SFMBT2: variants seen among roughly 807,000 people sequenced by gnomAD.
The protein encoded by SFMBT2 is scm-like with four MBT domains protein 2.
SFMBT2 carries 38 observed loss-of-function variants against 110.1 expected under a neutral mutation model. The observed-to-expected ratio is 0.35, with a 90% CI of 0.27 to 0.45. The LOEUF is 0.45. Ranked by LOEUF, SFMBT2 falls within the 20% of genes least tolerant of loss-of-function variation. SFMBT2 has a pLI of 1.00. For missense variants in SFMBT2, 1,011 were observed against 1,094.9 expected, an observed-to-expected ratio of 0.92 and a Z score of 1.08; for synonymous variants, 425 against 425.4, an observed-to-expected ratio of 1.00 and a Z score of 0.01.
At chr10:7,329,541 T>C in intron 4 of SFMBT2, 1 of 985,322 alleles carries the variant, frequency 1.0e-6, no homozygotes, top group Non-Finnish European at 1.2e-6. Context: ...GTACCTCTGC[T>C]GGGTCACAAA....
At position 7,163,839 on chromosome 10, in the gene SFMBT2, C is replaced by T; in HGVS notation, c.2616G>A (p.Gly872=). ...TVQECMELKL[G]PAIKLCHQIE... ...TCTGGTGGCATAACTTGATGGCAGGCCCCAGCTTCAGCTCCATGCACTCCT... is the reference window on the plus strand; with the variant it reads ...TCTGGTGGCATAACTTGATGGCAGGTCCCAGCTTCAGCTCCATGCACTCCT... The change falls in exon 21 of 21, where the codon GGG becomes GGA. Residue 872 remains glycine (G), a synonymous_variant. Transcript: ENST00000397167. The surrounding 1 kb of genome is among the most constrained non-coding windows in gnomAD (Gnocchi z 4.8). 1.2e-6 allele frequency: 2 copies of T among 1,614,210 alleles called. No homozygotes were observed. The highest frequency in any genetic ancestry group is 1.1e-5 in the South Asian group (1 of 91,084).
intron 7 of SFMBT2, among the ~76,000 whole-genome samples, chr10:7,256,231 C>T (rs181084143): frequency 8.5e-5 from 13 of 152,288 alleles, no homozygotes; most frequent in African/African-American, 3.1e-4. Flanking sequence ...ACCCTCTAGC[C>T]ACCAGGTTAT....
Position 7,252,866 on chromosome 10 carries a change from A to C in SFMBT2, c.871-4217T>G, listed in dbSNP as rs573037969. The stretch of plus-strand genomic sequence containing the variant: ...ATGGGTCCATTCTTGATGGGACCCT[A>C]AACAGCTTCAGGGTGGGGGCTCGTG... On this transcript the variant is annotated intron_variant, in intron 7 of 20. Coordinates refer to ENST00000397167, the MANE Select transcript of SFMBT2 (RefSeq NM_001387889.1). Among the ~76,000 whole-genome samples, 4 of 152,156 alleles carry C rather than the reference A, an allele frequency of 2.6e-5. No individual in the cohort carries two copies. The South Asian group carries it at 8.3e-4, about 32-fold the overall frequency.
intron 1 of SFMBT2, among the ~76,000 whole-genome samples, chr10:7,406,401 C>T (rs116559903): frequency 0.01 from 1,507 of 150,698 alleles, 22 homozygotes; most frequent in African/African-American, 0.034. Context: ...TCTTACTGCT[C>T]AAAGCAATGC....
At chr10:7,189,140 C>T (rs932630236) in intron 15 of SFMBT2, 16 of 984,566 alleles carry the variant, frequency 1.6e-5, no homozygotes, top group Non-Finnish European at 1.8e-5. Flanking sequence ...ACTAATGAAA[C>T]GGAGACAATC....
chr10:7,306,741 G>T (rs34445863), intron 4 of SFMBT2, among the ~76,000 whole-genome samples: 2 of 150,406 alleles, frequency 1.3e-5, no homozygotes, highest in Non-Finnish European at 3.0e-5. Flanking sequence ...GAAAAGGGGG[G>T]AAAAAAAAGA....
At position 7,286,329 on chromosome 10, in the gene SFMBT2, C is replaced by A. The variant is rs576505157; in HGVS notation, c.437-375G>T. 27 of 857,044 alleles carry A rather than the reference C, an allele frequency of 3.2e-5. No homozygotes were observed. The Admixed American group carries it at 8.7e-4, about 28-fold the overall frequency. 53.1% of individuals were successfully genotyped at this position (857,044 alleles called of 1,614,324 possible). ...AGAAAGGCTTTCCAGGTGGGAAAAT[C>A]AAACCAGGCCCCGAATTACATGAAC... On this transcript the variant is annotated intron_variant, in intron 4 of 20. Transcript: ENST00000397167.
chr10:7,332,590 T>A (rs1843594616), intron 4 of SFMBT2, among the ~76,000 whole-genome samples: 1 of 152,196 alleles, frequency 6.6e-6, no homozygotes, highest in African/African-American at 2.4e-5. Flanking sequence ...ACCCAGCTTA[T>A]AAAAATGCTT....
intron 14 of SFMBT2, chr10:7,197,928 C>G (rs916428326): frequency 1.0e-6 from 1 of 964,144 alleles, no homozygotes; most frequent in East Asian, 1.1e-4. Context: ...CAAATCGTGA[C>G]AAAGCAGCAG....
intron 4 of SFMBT2, among the ~76,000 whole-genome samples, chr10:7,316,164 T>C (rs1440960318): frequency 6.6e-6 from 1 of 152,078 alleles, no homozygotes. Context: ...TTCTAATTAG[T>C]GAATGGGTTG....
intron 16 of SFMBT2, among the ~76,000 whole-genome samples, chr10:7,184,429 T>G (rs1252216003): frequency 6.6e-6 from 1 of 152,166 alleles, no homozygotes; most frequent in Non-Finnish European, 1.5e-5. Context: ...GCCTTTCACC[T>G]TCCGCTGTGA....
chr10:7,207,625 T>C lies in SFMBT2; in HGVS notation c.1331-1697A>G, dbSNP rs1381189659. The C allele has an allele frequency of 5.1e-6, 5 of 984,012 alleles. No homozygotes were observed. In the African/African-American group the frequency reaches 7.0e-5, roughly 14 times the overall value. 61.0% of individuals were successfully genotyped at this position (984,012 alleles called of 1,614,324 possible). A position where few individuals can be genotyped will look rare whatever the true frequency, so the allele number is the denominator to read the frequency against. ...AAGTCATCTCATAACATCTGAAGAA[T>C]TCTGAATCACATCCTCCCTCCCCAC... On this transcript the variant is annotated intron_variant, in intron 11 of 20. Coordinates refer to ENST00000397167, the MANE Select transcript of SFMBT2 (RefSeq NM_001387889.1).
intron 16 of SFMBT2, among the ~76,000 whole-genome samples, chr10:7,176,892 C>T (rs554970875): frequency 2.0e-5 from 3 of 152,054 alleles, no homozygotes; most frequent in South Asian, 2.1e-4. Flanking sequence ...AAGGGGTCTC[C>T]GGTGGATGAG....
At chr10:7,267,572 T>A (rs188651917) in intron 7 of SFMBT2, among the ~76,000 whole-genome samples, 1 of 152,108 alleles carries the variant, frequency 6.6e-6, no homozygotes, top group African/African-American at 2.4e-5. Context: ...AATTTTTGCA[T>A]TTTTAGTAGA....
chr10:7,269,727 T>C (rs995290082), intron 7 of SFMBT2, among the ~76,000 whole-genome samples: 2 of 103,808 alleles, frequency 1.9e-5, no homozygotes, highest in African/African-American at 5.8e-5. Flanking sequence ...TGTGTGTGTG[T>C]GTGTGTGTGT....
At position 7,158,796 on chromosome 10, in the gene SFMBT2, C is replaced by T. The variant is rs1419949917; in HGVS notation, c.*4974G>A. 1.3e-5 allele frequency: 2 copies of T among 152,112 alleles called. No individual in the cohort carries two copies. The highest frequency in any genetic ancestry group is 2.9e-5 in the Non-Finnish European group (2 of 68,016). The allele number at this position is 152,112 out of a possible 1,614,324, so 9.4% of individuals were successfully genotyped here. On this transcript the variant is annotated 3_prime_UTR_variant, in exon 21 of 21. Coordinates refer to ENST00000397167, the MANE Select transcript of SFMBT2 (RefSeq NM_001387889.1). Reference sequence around the variant, plus strand: ...TACAGCAAACCAAAAGCATGCCCTTCGTCCTGCAAATTTCAAAAGTAATGA... The same window carrying T: ...TACAGCAAACCAAAAGCATGCCCTTTGTCCTGCAAATTTCAAAAGTAATGA...
intron 9 of SFMBT2, chr10:7,228,460 G>A (rs1418924594): frequency 5.2e-6 from 3 of 577,220 alleles, no homozygotes; most frequent in Non-Finnish European, 6.6e-6. Flanking sequence ...AAGAGTAGAG[G>A]GTTTGGAGAG....
At chr10:7,401,849 G>A (rs995207518) in intron 1 of SFMBT2, among the ~76,000 whole-genome samples, 10 of 152,160 alleles carry the variant, frequency 6.6e-5, no homozygotes, top group Middle Eastern at 3.2e-3. Flanking sequence ...TCCACAGTGC[G>A]CCATTCCACG....
chr10:7,354,263 T>A (rs1433601552), intron 4 of SFMBT2, among the ~76,000 whole-genome samples: 3 of 152,192 alleles, frequency 2.0e-5, no homozygotes, highest in African/African-American at 7.2e-5. Context: ...TTCAACTTTT[T>A]AAAAAATTTC....
Sources: gnomAD v4.1 joint callset for allele counts (sites outside exome capture counted in the v4.1 genomes callset) on GRCh38, gnomAD v4.1.1 for gene constraint, Gnocchi (gnomAD v3.1) non-coding constraint, MANE v1.5 for transcripts, NCBI Gene and HGNC (gene_info 2026-07-23, HGNC 2026-07-21) for gene names.